Variants in ENOX2 observed in about 807,000 individuals in gnomAD.
The protein encoded by ENOX2 is ecto-NOX disulfide-thiol exchanger 2.
ENOX2 carries 36 observed loss-of-function variants against 45.0 expected under a neutral mutation model. That is an observed-to-expected ratio of 0.80 (90% CI 0.61 to 1.06). ENOX2 has a LOEUF of 1.06. Among genes scored for constraint, ENOX2 ranks in the 50% least tolerant of loss-of-function variants. ENOX2 has a pLI of 0.00. For synonymous variants in ENOX2, 174 were observed against 152.3 expected (o/e 1.14, Z -1.05); for missense variants, 423 against 462.5 (o/e 0.91, Z 0.78).
chrX:130,763,353 A>C (rs1037392262), intron 3 of ENOX2, among the ~76,000 whole-genome samples: 2 of 111,356 alleles, frequency 1.8e-5, no homozygotes, highest in Admixed American at 1.9e-4. Context: ...CCAGCTCCCC[A>C]GTAGTCTCCA....
At chrX:130,788,035 C>T (rs890788922) in intron 2 of ENOX2, among the ~76,000 whole-genome samples, 1 of 111,696 alleles carries the variant, frequency 9.0e-6, no homozygotes, top group African/African-American at 3.3e-5. Flanking sequence ...TTCATTCCTT[C>T]CATAAGACAG....
At chrX:130,771,141 T>A (rs775462198) in intron 3 of ENOX2, among the ~76,000 whole-genome samples, 23 of 111,508 alleles carry the variant, frequency 2.1e-4, no homozygotes, top group Non-Finnish European at 4.0e-4. Flanking sequence ...GGCACAGGAG[T>A]CTTCTGAGGT....
At chrX:130,737,329 C>T (rs2038882843) in intron 3 of ENOX2, among the ~76,000 whole-genome samples, 1 of 112,465 alleles carries the variant, frequency 8.9e-6, no homozygotes, top group Non-Finnish European at 1.9e-5. Flanking sequence ...ATTCTCTTGT[C>T]TTTGCCTTAA....
chrX:130,832,552 G>C (rs1233837117), intron 2 of ENOX2, among the ~76,000 whole-genome samples: 1 of 110,101 alleles, frequency 9.1e-6, no homozygotes, highest in East Asian at 2.9e-4. Context: ...AAGTTCAGTA[G>C]TATGGCAGTC....
At chrX:130,626,772 A>G (rs2035556362) in intron 14 of ENOX2, among the ~76,000 whole-genome samples, 1 of 111,896 alleles carries the variant, frequency 8.9e-6, no homozygotes, top group African/African-American at 3.2e-5. Context: ...GGTTAGAACA[A>G]TAAGATTCCC....
chrX:130,886,745 G>A (rs181466795), intron 2 of ENOX2, among the ~76,000 whole-genome samples: 1 of 111,768 alleles, frequency 8.9e-6, no homozygotes, highest in Admixed American at 9.5e-5. Context: ...CCAAACAGAT[G>A]TGTCCTGGAA....
chrX:130,732,544 C>T (rs757659340), intron 3 of ENOX2, among the ~76,000 whole-genome samples: 8 of 111,608 alleles, frequency 7.2e-5, no homozygotes, highest in Admixed American at 2.8e-4. Context: ...CACAAATAGC[C>T]AAATCAATAT....
At chrX:130,861,954 A>G (rs1400948776) in intron 2 of ENOX2, among the ~76,000 whole-genome samples, 1 of 111,517 alleles carries the variant, frequency 9.0e-6, no homozygotes, top group African/African-American at 3.3e-5. Context: ...TGTCAATCAT[A>G]TACCAGTAAA....
chrX:130,637,176 T>C, intron 11 of ENOX2, 53 bp downstream of exon 11: 1 of 1,025,159 alleles, frequency 9.8e-7, no homozygotes, highest in African/African-American at 1.8e-5. Flanking sequence ...CTTTTATAGG[T>C]GAGAAGCTGA....
chrX:130,838,511 T>C (rs2077964436), intron 2 of ENOX2, among the ~76,000 whole-genome samples: 2 of 112,127 alleles, frequency 1.8e-5, no homozygotes. Context: ...CTTAAAAATA[T>C]GTCAGTTCCC....
chrX:130,722,855 T>C (rs1165473189), intron 3 of ENOX2, among the ~76,000 whole-genome samples: 1 of 112,246 alleles, frequency 8.9e-6, no homozygotes, highest in African/African-American at 3.2e-5. Flanking sequence ...GGAATAAAGA[T>C]AAGGGGCTAC....
chrX:130,857,618 T>C (rs2078333081), intron 2 of ENOX2, among the ~76,000 whole-genome samples: 1 of 110,726 alleles, frequency 9.0e-6, no homozygotes, highest in African/African-American at 3.3e-5. Flanking sequence ...GGGTAGATCT[T>C]ATGTTAAGCT....
chrX:130,660,474 A>G (rs868628981), intron 9 of ENOX2, among the ~76,000 whole-genome samples: 10 of 111,753 alleles, frequency 8.9e-5, no homozygotes, highest in South Asian at 3.8e-4. Context: ...ATACCTTCAG[A>G]GTGAAGGGCT....
intron 2 of ENOX2, among the ~76,000 whole-genome samples, chrX:130,860,007 G>A (rs2078383875): frequency 9.2e-6 from 1 of 109,283 alleles, no homozygotes; most frequent in Admixed American, 9.7e-5. Context: ...CCAGGCTGGA[G>A]TGCAGTGGCA....
intron 6 of ENOX2, among the ~76,000 whole-genome samples, chrX:130,678,387 A>G (rs1603303897): frequency 1.8e-5 from 2 of 110,819 alleles, no homozygotes; most frequent in Non-Finnish European, 3.8e-5. Flanking sequence ...AATTCCTTAA[A>G]ATCCTCCAGT....
intron 3 of ENOX2, among the ~76,000 whole-genome samples, chrX:130,761,411 G>A (rs967134245): frequency 3.6e-5 from 4 of 111,666 alleles, no homozygotes; most frequent in Non-Finnish European, 5.6e-5. Context: ...TATATTTCTC[G>A]AGGAAGTGGT....
intron 3 of ENOX2, among the ~76,000 whole-genome samples, chrX:130,746,589 T>C (rs982673101): frequency 8.9e-6 from 1 of 111,830 alleles, no homozygotes; most frequent in African/African-American, 3.3e-5. Context: ...ACCTGATATG[T>C]ACCTAGGGTC....
At chrX:130,847,817 G>C (rs1179316289) in intron 2 of ENOX2, among the ~76,000 whole-genome samples, 3 of 112,206 alleles carry the variant, frequency 2.7e-5, no homozygotes, top group Non-Finnish European at 5.6e-5. Flanking sequence ...GTCACTCTAA[G>C]TATGTAAATC....
chrX:130,775,044 C>A (rs2039820251), intron 3 of ENOX2, among the ~76,000 whole-genome samples: 1 of 111,991 alleles, frequency 8.9e-6, no homozygotes, highest in Admixed American at 9.5e-5. Context: ...ACACAGAGTA[C>A]CATAAAAACT....
Sources: gnomAD v4.1 joint callset for allele counts (sites outside exome capture counted in the v4.1 genomes callset) on GRCh38, gnomAD v4.1.1 for gene constraint, MANE v1.5 for transcripts, NCBI Gene and HGNC (gene_info 2026-07-23, HGNC 2026-07-21) for gene names.